Variants in SLC2A13 observed in about 807,000 individuals in gnomAD.
The protein encoded by SLC2A13 is solute carrier family 2 member 13, also known as proton myo-inositol cotransporter.
Under a neutral mutation model 64.4 loss-of-function variants are expected in SLC2A13, and 32 were observed. The ratio of observed to expected loss-of-function variants is 0.50; its 90% CI spans 0.37 to 0.67. The LOEUF is 0.67. Ranked by LOEUF, SLC2A13 falls within the 30% of genes least tolerant of loss-of-function variation. The pLI, the probability that SLC2A13 is intolerant of heterozygous loss-of-function variation, is 0.00. For synonymous variants in SLC2A13, 338 were observed against 327.1 expected (o/e 1.03, Z -0.36); for missense variants, 743 against 829.2 (o/e 0.90, Z 1.28).
At chr12:39,898,244 T>C (rs1430713399) in intron 4 of SLC2A13, among the ~76,000 whole-genome samples, 2 of 152,154 alleles carry the variant, frequency 1.3e-5, no homozygotes, top group African/African-American at 4.8e-5. Context: ...ATCAAATTAC[T>C]GCACAGAAAA....
chr12:39,872,974 A>C (rs1376413603), intron 4 of SLC2A13, among the ~76,000 whole-genome samples: 4 of 152,222 alleles, frequency 2.6e-5, no homozygotes, highest in African/African-American at 9.7e-5. Flanking sequence ...CAGTTTGTGA[A>C]TATTTATCAA....
intron 6 of SLC2A13, among the ~76,000 whole-genome samples, chr12:39,855,751 A>T (rs539241990): frequency 8.5e-5 from 13 of 152,352 alleles, no homozygotes; most frequent in Non-Finnish European, 1.5e-4. Flanking sequence ...TTCAGCTACT[A>T]AAACCAGGTT....
At chr12:40,029,455 C>T (rs550167648) in intron 2 of SLC2A13, among the ~76,000 whole-genome samples, 1 of 152,252 alleles carries the variant, frequency 6.6e-6, no homozygotes, top group Non-Finnish European at 1.5e-5. Context: ...CAATAGAGCT[C>T]AGGAGGCCAA....
At chr12:40,005,838 G>A (rs892209501) in intron 3 of SLC2A13, among the ~76,000 whole-genome samples, 12 of 152,088 alleles carry the variant, frequency 7.9e-5, no homozygotes, top group African/African-American at 2.9e-4. Context: ...AAGCCCCCGT[G>A]GATACCAAAG....
intron 4 of SLC2A13, among the ~76,000 whole-genome samples, chr12:39,916,801 T>C (rs1945528016): frequency 7.7e-6 from 1 of 129,530 alleles, no homozygotes; most frequent in Non-Finnish European, 1.6e-5. Context: ...GTAGTCATTG[T>C]CTTGTGGAAG....
chr12:40,000,306 C>T (rs547034213), intron 3 of SLC2A13, among the ~76,000 whole-genome samples: 1 of 143,238 alleles, frequency 7.0e-6, no homozygotes, highest in African/African-American at 2.6e-5. Context: ...TAAAAAACAA[C>T]AACAACAGCA....
chr12:39,843,769 G>A (rs1201228077), intron 6 of SLC2A13, among the ~76,000 whole-genome samples: 1 of 152,026 alleles, frequency 6.6e-6, no homozygotes, highest in Non-Finnish European at 1.5e-5. Context: ...TATAAGCAGA[G>A]TTGTTTGTTG....
intron 3 of SLC2A13, among the ~76,000 whole-genome samples, chr12:39,971,997 A>ATATATATATATATAT (rs1555144633): frequency 1.0e-4 from 8 of 77,376 alleles, no homozygotes; most frequent in Non-Finnish European, 1.7e-4. Flanking sequence ...AAAAAAAAAA[A>ATATATATATATATAT]ATATATATAT....
intron 4 of SLC2A13, among the ~76,000 whole-genome samples, chr12:39,911,681 C>T (rs1047280682): frequency 3.3e-5 from 5 of 151,960 alleles, no homozygotes; most frequent in African/African-American, 1.2e-4. Flanking sequence ...AGTGTTGGTG[C>T]CCTTCCCAGA....
chr12:39,845,080 T>C (rs577232084), intron 6 of SLC2A13, among the ~76,000 whole-genome samples: 1 of 152,196 alleles, frequency 6.6e-6, no homozygotes, highest in South Asian at 2.1e-4. Flanking sequence ...TAATTACTTT[T>C]TACTGTTTGG....
chr12:40,094,671 G>A (rs1938878625), intron 1 of SLC2A13, among the ~76,000 whole-genome samples: 1 of 151,962 alleles, frequency 6.6e-6, no homozygotes, highest in Non-Finnish European at 1.5e-5. Context: ...AGGGAAGAGA[G>A]GAACTACAGA....
At chr12:39,988,679 AAGGGAGGGAGGG>A (rs1393032266) in intron 3 of SLC2A13, among the ~76,000 whole-genome samples, 1 of 80,506 alleles carries the variant, frequency 1.2e-5, no homozygotes, top group African/African-American at 4.8e-5. Flanking sequence ...GGGAGGGAAG[AAGGGAGGGAGGG>A]AGGAAGGAAG....
At chr12:40,077,779 A>G (rs1386802158) in intron 1 of SLC2A13, among the ~76,000 whole-genome samples, 1 of 152,076 alleles carries the variant, frequency 6.6e-6, no homozygotes, top group Non-Finnish European at 1.5e-5. Flanking sequence ...TTTCCTATCC[A>G]TGAACATGGA....
intron 4 of SLC2A13, among the ~76,000 whole-genome samples, chr12:39,925,563 T>C (rs1311446802): frequency 6.6e-6 from 1 of 152,160 alleles, no homozygotes; most frequent in Non-Finnish European, 1.5e-5. Context: ...TAAAAATATA[T>C]CAAATAATTA....
At chr12:39,852,177 T>C (rs952239225) in intron 6 of SLC2A13, among the ~76,000 whole-genome samples, 16 of 152,176 alleles carry the variant, frequency 1.1e-4, no homozygotes, top group African/African-American at 3.9e-4. Flanking sequence ...AATAACAGCA[T>C]CTTGATCAGA....
chr12:39,788,972 C>T (rs1941282941), intron 7 of SLC2A13, among the ~76,000 whole-genome samples: 1 of 151,980 alleles, frequency 6.6e-6, no homozygotes, highest in Admixed American at 6.6e-5. Context: ...CAAACAAAAT[C>T]GGATTGATGC....
At chr12:39,971,611 CT>C (rs1172935850) in intron 3 of SLC2A13, among the ~76,000 whole-genome samples, 1 of 152,070 alleles carries the variant, frequency 6.6e-6, no homozygotes, top group Non-Finnish European at 1.5e-5. Context: ...CCATTACCTT[CT>C]GACACACTCT....
intron 4 of SLC2A13, among the ~76,000 whole-genome samples, chr12:39,890,913 C>A (rs988268233): frequency 3.9e-5 from 6 of 152,010 alleles, no homozygotes; most frequent in African/African-American, 1.5e-4. Context: ...GTACATATTA[C>A]ATAATTTTAA....
intron 3 of SLC2A13, among the ~76,000 whole-genome samples, chr12:39,997,170 A>T (rs1947245439): frequency 3.3e-5 from 5 of 152,226 alleles, no homozygotes; most frequent in Admixed American, 3.3e-4. Context: ...ACAGCATTAT[A>T]CCAGTATAAA....
Sources: allele counts gnomAD v4.1 joint callset (sites outside exome capture counted in the v4.1 genomes callset), GRCh38; gene constraint gnomAD v4.1.1; transcripts MANE v1.5; gene names NCBI Gene and HGNC (gene_info 2026-07-23, HGNC 2026-07-21).